WAC: variants seen among roughly 807,000 people sequenced by gnomAD.
WAC encodes WW domain containing adaptor with coiled-coil.
Under a neutral mutation model 79.6 loss-of-function variants are expected in WAC, and 11 were observed. That is an observed-to-expected ratio of 0.14 (90% CI 0.09 to 0.23). The LOEUF is 0.23. Ranked by LOEUF, WAC falls within the 10% of genes least tolerant of loss-of-function variation. The probability of loss-of-function intolerance (pLI) is 1.00; values close to 1 mark genes in which losing one functional copy is unlikely to be tolerated. For missense variants in WAC, 728 were observed against 773.5 expected (o/e 0.94, Z 0.70); for synonymous variants, 304 against 276.9 (o/e 1.10, Z -0.97).
intron 7 of WAC, among the ~76,000 whole-genome samples, chr10:28,600,406 T>C (rs753168688): frequency 1.3e-4 from 20 of 152,172 alleles, no homozygotes; most frequent in Non-Finnish European, 2.9e-4. Flanking sequence ...ATAGCTGATG[T>C]AGATGGTCAT....
intron 3 of WAC, chr10:28,537,436 A>G (rs1836741241): frequency 6.6e-6 from 1 of 152,242 alleles, no homozygotes; most frequent in South Asian, 2.1e-4. Context: ...TTGTAACAAA[A>G]TAGGATATGG....
intron 3 of WAC, among the ~76,000 whole-genome samples, chr10:28,575,961 G>A (rs1184895138): frequency 1.3e-5 from 2 of 152,114 alleles, no homozygotes; most frequent in Non-Finnish European, 2.9e-5. Context: ...TACTAACATT[G>A]TATTATAGTT....
At chr10:28,610,614 G>T in intron 8 of WAC, 85 bp from the exon 9 acceptor site, 1 of 1,362,730 alleles carries the variant, frequency 7.3e-7, no homozygotes, top group Non-Finnish European at 9.7e-7. Flanking sequence ...CCAGTTTCTT[G>T]TGAGTTCTCT....
rs200420703 is a variant in WAC, at chr10:28,590,702, CTTTT to C, written c.498-12_498-9del. Reference sequence around the variant, plus strand: ...CTTAATGTAATTTTTATATGTTTATCTTTTTTTTTATTTTTAGAGAACAGAGACA... The same window carrying C: ...CTTAATGTAATTTTTATATGTTTATCTTTTTATTTTTAGAGAACAGAGACA... On this transcript the variant is annotated splice_polypyrimidine_tract_variant and intron_variant, in intron 5 of 13. Transcript: ENST00000354911. 14 of 1,538,848 alleles carry C rather than the reference CTTTT, an allele frequency of 9.1e-6. No homozygotes were observed. The Admixed American group carries it at 2.5e-4, about 28-fold the overall frequency.
intron 2 of WAC, chr10:28,534,467 C>T (rs1221230539): frequency 6.1e-6 from 1 of 163,340 alleles, no homozygotes; most frequent in East Asian, 1.7e-4. Flanking sequence ...ACTTTCAAGT[C>T]GGTTATAAAG....
intron 3 of WAC, among the ~76,000 whole-genome samples, chr10:28,580,042 T>C (rs531906548): frequency 2.7e-4 from 41 of 152,346 alleles, no homozygotes; most frequent in African/African-American, 9.1e-4. Context: ...AGTTTTGTTT[T>C]TGATAAGCAG....
chr10:28,607,593 A>G (rs1841021800), intron 7 of WAC, among the ~76,000 whole-genome samples: 1 of 152,178 alleles, frequency 6.6e-6, no homozygotes, highest in Non-Finnish European at 1.5e-5. Context: ...TCATTGCCTT[A>G]TATATTGAAT....
chr10:28,600,171 G>T (rs1840570010), intron 7 of WAC, among the ~76,000 whole-genome samples: 2 of 152,206 alleles, frequency 1.3e-5, no homozygotes, highest in African/African-American at 4.8e-5. Flanking sequence ...CATAGAATTA[G>T]ACCTATTTAG....
intron 3 of WAC, among the ~76,000 whole-genome samples, chr10:28,559,329 A>AGGG (rs1838182009): frequency 6.6e-6 from 1 of 152,136 alleles, no homozygotes; most frequent in Non-Finnish European, 1.5e-5. Context: ...TTTGGGAGTG[A>AGGG]GGGAAGTGTG....
At chr10:28,612,692 TC>T (rs35829683) in intron 10 of WAC, among the ~76,000 whole-genome samples, 33,906 of 152,126 alleles carry the variant, frequency 0.22, 4,652 homozygotes, top group Non-Finnish European at 0.28. Flanking sequence ...TTTTAAGTCT[TC>T]CCGTTTGTTC....
chr10:28,583,792 AAG>A (rs1192709803), intron 4 of WAC, among the ~76,000 whole-genome samples: 1 of 152,152 alleles, frequency 6.6e-6, no homozygotes, highest in African/African-American at 2.4e-5. Flanking sequence ...CTGAGATAAA[AAG>A]AACTTCAGGC....
intron 7 of WAC, among the ~76,000 whole-genome samples, chr10:28,603,565 A>G (rs535826137): frequency 1.3e-5 from 2 of 152,296 alleles, no homozygotes; most frequent in Non-Finnish European, 2.9e-5. Flanking sequence ...AAAACATGTT[A>G]TTAAGCATAT....
rs1244063742 is a variant in WAC at position 28,622,257 on chromosome 10, C to T, written c.*2651C>T. On this transcript the variant is annotated 3_prime_UTR_variant, in exon 14 of 14. Coordinates refer to ENST00000354911, the MANE Select transcript of WAC (RefSeq NM_016628.5). ...TTGCACCTTAATACAAGGTATCCAG[C>T]TCCTAACCTTAACTAGGGAATATCT... 2 of 152,052 alleles carry T rather than the reference C, an allele frequency of 1.3e-5. No individual in the cohort carries two copies. Among genetic ancestry groups the T allele is most frequent in the Non-Finnish European group, 2.9e-5 (2 of 68,010 alleles). 9.4% of individuals were successfully genotyped at this position (152,052 alleles called of 1,614,324 possible). A position where few individuals can be genotyped will look rare whatever the true frequency, so the allele number is the denominator to read the frequency against.
At position 28,622,746 on chromosome 10, in the gene WAC, A is replaced by T. The variant is rs1318456641; in HGVS notation, c.*3140A>T. 5.9e-5 allele frequency: 9 copies of T among 152,230 alleles called. 1 individual carries two copies. The South Asian group carries it at 1.9e-3, about 32-fold the overall frequency. The allele number at this position is 152,230 out of a possible 1,614,324, so 9.4% of individuals were successfully genotyped here. A position where few individuals can be genotyped will look rare whatever the true frequency, so the allele number is the denominator to read the frequency against. On this transcript the variant is annotated 3_prime_UTR_variant, in exon 14 of 14. Coordinates refer to ENST00000354911, the MANE Select transcript of WAC (RefSeq NM_016628.5). ...AGGAGGTTCTTAAAACTTTGCCAGG[A>T]ATTGTTACCCATTTCCAAAAACAGT...
Position 28,620,653 on chromosome 10 carries a change from T to G in WAC, c.*1047T>G, listed in dbSNP as rs1841655027. On this transcript the variant is annotated 3_prime_UTR_variant, in exon 14 of 14. Coordinates refer to ENST00000354911, the MANE Select transcript of WAC (RefSeq NM_016628.5). ...ATTTATACTTAATTGAAATAATTCCTTAAGGGAGGTTTTGTTTAAAACGTA... is the reference window on the plus strand; with the variant it reads ...ATTTATACTTAATTGAAATAATTCCGTAAGGGAGGTTTTGTTTAAAACGTA... 6.6e-6 allele frequency: 1 copy of G among 152,268 alleles called. No individual in the cohort carries two copies. The highest frequency in any genetic ancestry group is 6.5e-5 in the Admixed American group (1 of 15,290). The allele number at this position is 152,268 out of a possible 1,614,324, so 9.4% of individuals were successfully genotyped here.
At chr10:28,560,953 A>G (rs951627604) in intron 3 of WAC, among the ~76,000 whole-genome samples, 1 of 152,158 alleles carries the variant, frequency 6.6e-6, no homozygotes, top group Non-Finnish European at 1.5e-5. Flanking sequence ...TGAGACCGAG[A>G]AGGAGTGGCA....
intron 10 of WAC, among the ~76,000 whole-genome samples, chr10:28,612,171 G>C (rs1386460067): frequency 6.6e-6 from 1 of 152,156 alleles, no homozygotes; most frequent in Non-Finnish European, 1.5e-5. Flanking sequence ...TTGTCACATG[G>C]AGAGTGAGAT....
intron 3 of WAC, 193 bp downstream of exon 3, chr10:28,535,950 T>C (rs998714625): frequency 1.9e-6 from 1 of 531,866 alleles, no homozygotes; most frequent in Non-Finnish European, 3.1e-6. Context: ...ATCTAAAAAG[T>C]GGACTCTTAA....
chr10:28,545,453 C>G (rs61848478), intron 3 of WAC, among the ~76,000 whole-genome samples: 1 of 152,110 alleles, frequency 6.6e-6, no homozygotes, highest in Non-Finnish European at 1.5e-5. Context: ...ACATTCCACC[C>G]TGGGCAACAA....
Sources: allele counts gnomAD v4.1 joint callset (sites outside exome capture counted in the v4.1 genomes callset), GRCh38; gene constraint gnomAD v4.1.1; transcripts MANE v1.5; gene names NCBI Gene and HGNC (gene_info 2026-07-23, HGNC 2026-07-21).